The following RPS6KA6 variants were observed in gnomAD, a reference collection of about 807,000 sequenced individuals.
RPS6KA6 encodes the protein ribosomal protein S6 kinase alpha-6.
In RPS6KA6, 27 loss-of-function variants were observed where a neutral mutation model predicts 65.4. That is an observed-to-expected ratio of 0.41 (90% CI 0.30 to 0.57). The LOEUF is 0.57. Ranked by LOEUF, RPS6KA6 falls within the 20% of genes least tolerant of loss-of-function variation. The probability of loss-of-function intolerance (pLI) is 0.24; values close to 1 mark genes in which losing one functional copy is unlikely to be tolerated. For synonymous variants in RPS6KA6, 190 were observed against 184.2 expected (o/e 1.03, Z -0.26); for missense variants, 486 against 555.6 (o/e 0.87, Z 1.26).
chrX:84,067,075 T>C (rs1296952928), intron 20 of RPS6KA6, among the ~76,000 whole-genome samples: 1 of 111,386 alleles, frequency 9.0e-6, no homozygotes, highest in Non-Finnish European at 1.9e-5. Context: ...AAGCAACAAC[T>C]TCAACATCAA....
chrX:84,139,420 T>C (rs988345408), intron 6 of RPS6KA6, among the ~76,000 whole-genome samples: 1 of 111,779 alleles, frequency 8.9e-6, no homozygotes, highest in African/African-American at 3.3e-5. Context: ...TCCTAGACAA[T>C]CCTTTTCAGA....
Position 84,064,211 on chromosome X carries a change from G to A in RPS6KA6, c.*66C>T. On this transcript the variant is annotated 3_prime_UTR_variant, in exon 22 of 22. Transcript: ENST00000262752. ...TAGCAGACAACGATGCCTTTGATAA[G>A]AATAGGAAAAAAGCCACACATTTAA... 8.8e-7 allele frequency: 1 copy of A among 1,134,334 alleles called. No homozygotes were observed. Among genetic ancestry groups the A allele is most frequent in the Non-Finnish European group, 1.2e-6 (1 of 841,832 alleles). 93.5% of individuals were successfully genotyped at this position (1,134,334 alleles called of 1,213,427 possible).
intron 17 of RPS6KA6, among the ~76,000 whole-genome samples, chrX:84,102,659 A>C (rs2034281630): frequency 1.8e-5 from 2 of 111,193 alleles, no homozygotes; most frequent in Admixed American, 1.9e-4. Flanking sequence ...AACTATCTGA[A>C]GGCACTGGAG....
At chrX:84,108,225 A>T (rs1222727181) in intron 12 of RPS6KA6, among the ~76,000 whole-genome samples, 1 of 112,105 alleles carries the variant, frequency 8.9e-6, no homozygotes, top group Non-Finnish European at 1.9e-5. Flanking sequence ...ATAATATATA[A>T]AAGCCACTTC....
At chrX:84,157,027 T>A (rs761555991) in intron 2 of RPS6KA6, among the ~76,000 whole-genome samples, 4 of 112,291 alleles carry the variant, frequency 3.6e-5, no homozygotes, top group Non-Finnish European at 7.5e-5. Context: ...TGTCTATAAA[T>A]CTTGGTAGCA....
intron 1 of RPS6KA6, among the ~76,000 whole-genome samples, chrX:84,180,516 T>C (rs907199910): frequency 8.9e-6 from 1 of 112,089 alleles, no homozygotes; most frequent in East Asian, 2.8e-4. Context: ...CAATACCACA[T>C]TGTCTTTATT....
intron 9 of RPS6KA6, among the ~76,000 whole-genome samples, chrX:84,119,568 T>C (rs751777705): frequency 8.9e-6 from 1 of 111,746 alleles, no homozygotes; most frequent in Admixed American, 9.5e-5. Context: ...TAACATTCAA[T>C]TAAAATACCA....
In RPS6KA6 at chrX:84,137,494, G is replaced by A. The variant is rs76638351; in HGVS notation, c.502-2284C>T. ...TTTTTTTTTAAAAATGGAATGCTGG[G>A]TCAAGGAGCATAAATAGTCCAAGAT... On this transcript the variant is annotated intron_variant, in intron 6 of 21. Coordinates refer to ENST00000262752, the MANE Select transcript of RPS6KA6 (RefSeq NM_014496.5). 4.5e-3 allele frequency among the ~76,000 whole-genome samples: 499 copies of A among 110,519 alleles called. 18 individuals are homozygous for A. In the East Asian group the frequency reaches 0.12, roughly 26 times the overall value.
At chrX:84,145,378 T>C in intron 6 of RPS6KA6, 100 bp downstream of exon 6, 2 of 518,986 alleles carry the variant, frequency 3.9e-6, no homozygotes, top group South Asian at 6.7e-5. Context: ...GTAGTTACCA[T>C]TTAAAATTTC....
intron 6 of RPS6KA6, among the ~76,000 whole-genome samples, chrX:84,138,391 GA>G (rs199653951): frequency 0.012 from 1,294 of 103,622 alleles, 20 homozygotes; most frequent in African/African-American, 0.043. Flanking sequence ...CATCTCTACT[GA>G]AAAAAAAAAA....
chrX:84,171,398 T>C (rs932100526), intron 1 of RPS6KA6, among the ~76,000 whole-genome samples: 1 of 111,881 alleles, frequency 8.9e-6, no homozygotes, highest in African/African-American at 3.3e-5. Context: ...AATTCTCCCC[T>C]GAAACAGACT....
intron 20 of RPS6KA6, among the ~76,000 whole-genome samples, chrX:84,073,591 T>A (rs1039333507): frequency 3.6e-5 from 4 of 111,206 alleles, no homozygotes; most frequent in Non-Finnish European, 7.6e-5. Context: ...AAAGAAACAA[T>A]CTACAGAATA....
chrX:84,187,824 C>T lies in RPS6KA6; in HGVS notation c.76G>A (p.Gly26Ser). Residue 26 changes from glycine (G) to serine (S), a missense_variant, in exon 1 of 22, where the codon GGC (glycine) becomes AGC (serine). Around this residue, in one of 3 missense-constraint regions of RPS6KA6, gnomAD observed 106 missense variants for 105.0 expected, o/e 1.01. Coordinates refer to ENST00000262752, the MANE Select transcript of RPS6KA6 (RefSeq NM_014496.5). ...GTCTTGGCCACCACACTAACCTCGCCGCTGCTCGCGCCGCCGCCGCTGAAC... is the reference window on the plus strand; with the variant it reads ...GTCTTGGCCACCACACTAACCTCGCTGCTGCTCGCGCCGCCGCCGCTGAAC... ...EVFSGGGASSGEVNGLKMVDE... is the reference protein window; with the variant it reads ...EVFSGGGASSSEVNGLKMVDE... The T allele has an allele frequency of 8.3e-7, 1 of 1,203,973 alleles. No homozygotes were observed. Among genetic ancestry groups the T allele is most frequent in the Non-Finnish European group, 1.1e-6 (1 of 891,856 alleles).
chrX:84,069,802 T>C (rs1344673972), intron 20 of RPS6KA6, among the ~76,000 whole-genome samples: 1 of 111,780 alleles, frequency 8.9e-6, no homozygotes, highest in African/African-American at 3.3e-5. Context: ...CAAAAACATA[T>C]GAAAAAAAGC....
intron 19 of RPS6KA6, among the ~76,000 whole-genome samples, 200 bp downstream of exon 19, chrX:84,097,569 AATT>A (rs777214726): frequency 9.0e-6 from 1 of 111,517 alleles, no homozygotes; most frequent in Non-Finnish European, 1.9e-5. Flanking sequence ...TGCCTTTTAA[AATT>A]ATTATGTCAT....
intron 17 of RPS6KA6, among the ~76,000 whole-genome samples, chrX:84,104,137 T>C (rs1389857666): frequency 1.8e-5 from 2 of 110,912 alleles, no homozygotes; most frequent in African/African-American, 6.5e-5. Flanking sequence ...TCAAGATACA[T>C]GTTAGGTAAT....
At chrX:84,078,953 C>G (rs953348011) in intron 20 of RPS6KA6, among the ~76,000 whole-genome samples, 3 of 110,943 alleles carry the variant, frequency 2.7e-5, no homozygotes, top group Non-Finnish European at 5.7e-5. Context: ...TCAATTCTAC[C>G]CCACTATAGT....
At chrX:84,180,545 G>A (rs761515423) in intron 1 of RPS6KA6, among the ~76,000 whole-genome samples, 3 of 111,677 alleles carry the variant, frequency 2.7e-5, no homozygotes, top group Non-Finnish European at 3.8e-5. Flanking sequence ...ATAGTAAAAC[G>A]TAATATCCAA....
intron 8 of RPS6KA6, among the ~76,000 whole-genome samples, chrX:84,132,564 A>G (rs2034917100): frequency 9.1e-6 from 1 of 110,018 alleles, no homozygotes; most frequent in African/African-American, 3.3e-5. Context: ...ATTTTTCTAA[A>G]GAGGCAAGTC....
Sources: allele counts gnomAD v4.1 joint callset (sites outside exome capture counted in the v4.1 genomes callset), GRCh38; gene constraint gnomAD v4.1.1; regional missense constraint gnomAD v4.1.1; transcripts MANE v1.5; gene names NCBI Gene and HGNC (gene_info 2026-07-23, HGNC 2026-07-21).